The following AS3MT variants were observed in gnomAD, a reference collection of about 807,000 sequenced individuals.
AS3MT encodes the protein S-adenosyl-L-methionine:arsenic(III) methyltransferase.
Under a neutral mutation model 45.3 loss-of-function variants are expected in AS3MT, and 47 were observed. The observed-to-expected ratio is 1.04, with a 90% CI of 0.82 to 1.32. The LOEUF (loss-of-function observed/expected upper bound fraction) is 1.32. Ranked by LOEUF, AS3MT falls within the 40% of genes most tolerant of loss-of-function variation. AS3MT has a pLI of 0.00. For synonymous variants in AS3MT, 141 were observed against 152.8 expected (o/e 0.92, Z 0.57); for missense variants, 396 against 451.1 (o/e 0.88, Z 1.11).
At position 102,900,773 on chromosome 10, in the gene AS3MT, T is replaced by G; in HGVS notation, c.*73T>G. 8.4e-7 allele frequency: 1 copy of G among 1,189,478 alleles called. No individual in the cohort carries two copies. Among genetic ancestry groups the G allele is most frequent in the Middle Eastern group, 1.9e-4 (1 of 5,262 alleles). The allele number at this position is 1,189,478 out of a possible 1,614,324, so 73.7% of individuals were successfully genotyped here. A position where few individuals can be genotyped will look rare whatever the true frequency, so the allele number is the denominator to read the frequency against. ...ATGTTTTTTAACCTGCTTTTCCCCA[T>G]AGCACAGACCATAAGAAACAACAAA... On this transcript the variant is annotated 3_prime_UTR_variant, in exon 11 of 11. Coordinates refer to ENST00000369880, the MANE Select transcript of AS3MT (RefSeq NM_020682.4).
chr10:102,874,963 A>T (rs973503244), intron 6 of AS3MT, among the ~76,000 whole-genome samples: 2 of 152,218 alleles, frequency 1.3e-5, no homozygotes, highest in African/African-American at 4.8e-5. Context: ...CTGTGGAGCT[A>T]TAGGAATCTT....
intron 4 of AS3MT, 113 bp from the exon 5 acceptor site, chr10:102,872,984 G>C: frequency 2.2e-6 from 2 of 911,020 alleles, no homozygotes; most frequent in South Asian, 3.8e-5. Flanking sequence ...AATCTTGTAT[G>C]TTTATCCAAA....
chr10:102,889,972 A>C (rs7100709), intron 9 of AS3MT, among the ~76,000 whole-genome samples: 44,520 of 147,968 alleles, frequency 0.3, 6,883 homozygotes, highest in East Asian at 0.48. Flanking sequence ...GCCACCGTAC[A>C]CAGCCAGTTT....
intron 10 of AS3MT, among the ~76,000 whole-genome samples, 179 bp from the exon 11 acceptor site, chr10:102,900,414 G>A (rs1187849204): frequency 6.6e-6 from 1 of 152,210 alleles, no homozygotes; most frequent in Non-Finnish European, 1.5e-5. Context: ...GTAATTAGAA[G>A]CTTCAGGAAG....
chr10:102,877,925 G>A (rs1228836663), intron 7 of AS3MT, among the ~76,000 whole-genome samples: 1 of 151,730 alleles, frequency 6.6e-6, no homozygotes, highest in Non-Finnish European at 1.5e-5. Context: ...GCTAATTTTT[G>A]TATTTTTAGT....
rs1328370210 is a variant in AS3MT at position 102,888,877 on chromosome 10, A to ATTTTTTT, written c.886-1666_886-1665insTTTTTTT. 8.9e-3 allele frequency among the ~76,000 whole-genome samples: 425 copies of ATTTTTTT among 47,728 alleles called. 8 individuals are homozygous for ATTTTTTT. Among genetic ancestry groups the ATTTTTTT allele is most frequent in the African/African-American group, 0.019 (260 of 13,920 alleles). The allele number at this position is 47,728 out of a possible 152,430, so 31.3% of individuals were successfully genotyped here. A position where few individuals can be genotyped will look rare whatever the true frequency, so the allele number is the denominator to read the frequency against. ...TATATATATATATATATATATATATATATATTTTTTTTTTTTTTTTTGAGA... is the reference window on the plus strand; with the variant it reads ...TATATATATATATATATATATATATATTTTTTTTATATTTTTTTTTTTTTTTTTGAGA... On this transcript the variant is annotated intron_variant, in intron 9 of 10. Transcript: ENST00000369880.
intron 3 of AS3MT, 88 bp downstream of exon 3, chr10:102,870,299 T>A: frequency 6.7e-7 from 1 of 1,501,130 alleles, no homozygotes; most frequent in Non-Finnish European, 9.2e-7. Context: ...AATTAACCCG[T>A]AGCCACCAAC....
At chr10:102,887,472 T>C (rs1010304488) in intron 9 of AS3MT, among the ~76,000 whole-genome samples, 1 of 152,184 alleles carries the variant, frequency 6.6e-6, no homozygotes, top group Non-Finnish European at 1.5e-5. Flanking sequence ...TTTAGATCTA[T>C]TAATGTTTGC....
At position 102,890,641 on chromosome 10, in the gene AS3MT, T is replaced by C. The variant is rs772768594; in HGVS notation, c.983T>C (p.Leu328Ser). Reference protein sequence around the residue: ...DFLIRPIGEKLPTSGGCSALE... With the variant: ...DFLIRPIGEKSPTSGGCSALE... ...CTGATCAGACCAATTGGAGAGAAGT[T>C]GCCAACATCTGGAGGCTGTTCTGCT... Residue 328 changes from leucine to serine, a missense_variant, in exon 10 of 11, where the codon TTG (leucine) becomes TCG (serine). By Grantham distance (145) the Leu-to-Ser change is moderately radical. Transcript: ENST00000369880. 1 of 1,613,726 alleles carries C rather than the reference T, an allele frequency of 6.2e-7. No individual in the cohort carries two copies. The highest frequency in any genetic ancestry group is 8.5e-7 in the Non-Finnish European group (1 of 1,179,872).
intron 10 of AS3MT, among the ~76,000 whole-genome samples, chr10:102,898,932 A>G (rs1423501461): frequency 1.3e-5 from 2 of 152,202 alleles, no homozygotes; most frequent in African/African-American, 4.8e-5. Flanking sequence ...CCATAGTTGT[A>G]CTTCTCATAG....
intron 10 of AS3MT, among the ~76,000 whole-genome samples, 195 bp downstream of exon 10, chr10:102,890,873 G>C (rs17882560): frequency 6.6e-6 from 1 of 151,888 alleles, no homozygotes; most frequent in Admixed American, 6.6e-5. Flanking sequence ...CACCACGCCC[G>C]GCTAATTTTT....
In AS3MT at chr10:102,883,483, C is replaced by T. The variant is rs530033941; in HGVS notation, c.885+4492C>T. Among the ~76,000 whole-genome samples, 12 of 151,948 alleles carry T rather than the reference C, an allele frequency of 7.9e-5. No homozygotes were observed. In the East Asian group the frequency reaches 1.4e-3, roughly 17 times the overall value. ...ATCCCAGCACTTTGGGAGGCTGAGG[C>T]GGGTGGATTACCTGAGGTCAGGAGT... On this transcript the variant is annotated intron_variant, in intron 9 of 10. Transcript: ENST00000369880.
At chr10:102,880,509 T>TTTTCAACATTAGAA (rs1844855680) in intron 9 of AS3MT, among the ~76,000 whole-genome samples, 2 of 152,154 alleles carry the variant, frequency 1.3e-5, no homozygotes, top group Non-Finnish European at 2.9e-5. Flanking sequence ...TTTGGGCAGT[T>TTTTCAACATTAGAA]TTTCAACATT....
At chr10:102,869,751 C>T (rs948397420) in intron 1 of AS3MT, 54 bp from the exon 2 acceptor site, 1 of 1,613,320 alleles carries the variant, frequency 6.2e-7, no homozygotes, top group African/African-American at 1.3e-5. Context: ...CCCCCTCCCT[C>T]ATGCCCGTCC....
intron 7 of AS3MT, 66 bp from the exon 8 acceptor site, chr10:102,878,313 T>A: frequency 6.4e-7 from 1 of 1,565,154 alleles, no homozygotes; most frequent in South Asian, 1.2e-5. Context: ...TATAGAAGAA[T>A]AGTTCCCTTA....
At chr10:102,891,948 C>CAAAAAAA (rs57594880) in intron 10 of AS3MT, among the ~76,000 whole-genome samples, 25 of 57,864 alleles carry the variant, frequency 4.3e-4, no homozygotes, top group African/African-American at 1.4e-3. Flanking sequence ...GACTCTGTCT[C>CAAAAAAA]AAAAAAAAAA....
At chr10:102,879,440 AAC>A (rs1844839082) in intron 9 of AS3MT, among the ~76,000 whole-genome samples, 1 of 151,930 alleles carries the variant, frequency 6.6e-6, no homozygotes. Context: ...TACAGGCGTG[AAC>A]CACCGTGCCC....
At chr10:102,886,385 C>T (rs999050569) in intron 9 of AS3MT, among the ~76,000 whole-genome samples, 12 of 143,940 alleles carry the variant, frequency 8.3e-5, no homozygotes, top group South Asian at 2.3e-4. Flanking sequence ...AGTGCAGTGG[C>T]GCGATCTCAG....
intron 8 of AS3MT, 92 bp from the exon 9 acceptor site, chr10:102,878,757 T>C: frequency 6.8e-7 from 1 of 1,475,100 alleles, no homozygotes; most frequent in Non-Finnish European, 9.2e-7. Flanking sequence ...AGGAAGAAAA[T>C]CATCTTTATA....
Sources: gnomAD v4.1 joint callset for allele counts (sites outside exome capture counted in the v4.1 genomes callset) on GRCh38, gnomAD v4.1.1 for gene constraint, MANE v1.5 for transcripts, NCBI Gene and HGNC (gene_info 2026-07-23, HGNC 2026-07-21) for gene names.